Variants in SOX6 observed in about 807,000 individuals in gnomAD.
SOX6 encodes transcription factor SOX-6.
In SOX6, 11 loss-of-function variants were observed where a neutral mutation model predicts 97.8. The observed-to-expected ratio is 0.11, with a 90% CI of 0.07 to 0.19. The LOEUF is 0.19. Among genes scored for constraint, SOX6 ranks in the 10% least tolerant of loss-of-function variants. The pLI is 1.00. For missense variants in SOX6, 810 were observed against 1,039.5 expected, an observed-to-expected ratio of 0.78 and a Z score of 3.04; for synonymous variants, 360 against 371.4, an observed-to-expected ratio of 0.97 and a Z score of 0.35.
At chr11:15,989,289 T>A (rs1853970678) in intron 13 of SOX6, 59 bp from the exon 14 acceptor site, 2 of 1,421,996 alleles carry the variant, frequency 1.4e-6, no homozygotes, top group Non-Finnish European at 1.9e-6. Context: ...GTGGATAATG[T>A]CACACAGCTT....
chr11:16,589,967 T>C (rs1019659716), intron 4 of SOX6, among the ~76,000 whole-genome samples: 1 of 152,146 alleles, frequency 6.6e-6, no homozygotes, highest in Admixed American at 6.6e-5. Context: ...AGAATAACAC[T>C]TGTTCTTCCT....
intron 2 of SOX6, among the ~76,000 whole-genome samples, chr11:16,326,824 A>G (rs1210796060): frequency 1.3e-5 from 2 of 152,184 alleles, no homozygotes; most frequent in African/African-American, 2.4e-5. Flanking sequence ...AAAGTCTCCC[A>G]TGAGGTTACA....
intron 12 of SOX6, among the ~76,000 whole-genome samples, chr11:16,016,533 T>C (rs1294552941): frequency 1.3e-5 from 2 of 152,034 alleles, no homozygotes; most frequent in East Asian, 3.9e-4. Context: ...CCCTAATATC[T>C]TCCTATGTGA....
chr11:16,100,003 G>T (rs1848903306), intron 7 of SOX6, among the ~76,000 whole-genome samples: 1 of 151,714 alleles, frequency 6.6e-6, no homozygotes, highest in Non-Finnish European at 1.5e-5. Context: ...AGAGAACAAG[G>T]ACAAGGCAGG....
intron 3 of SOX6, among the ~76,000 whole-genome samples, chr11:16,299,129 T>C (rs1480102228): frequency 6.6e-6 from 1 of 152,184 alleles, no homozygotes; most frequent in Non-Finnish European, 1.5e-5. Flanking sequence ...ATAATCTTAA[T>C]ACAAATAGTA....
At chr11:16,127,967 C>G (rs1178824036) in intron 6 of SOX6, among the ~76,000 whole-genome samples, 1 of 152,158 alleles carries the variant, frequency 6.6e-6, no homozygotes, top group African/African-American at 2.4e-5. Flanking sequence ...CTTTAATAAA[C>G]AAACCTTACT....
intron 1 of SOX6, among the ~76,000 whole-genome samples, chr11:16,456,468 C>A (rs563196454): frequency 6.6e-6 from 1 of 151,974 alleles, no homozygotes; most frequent in Non-Finnish European, 1.5e-5. Context: ...CCAAGGAAAC[C>A]ACTATTGAGG....
At chr11:16,282,675 A>T (rs926077442) in intron 3 of SOX6, among the ~76,000 whole-genome samples, 1 of 151,462 alleles carries the variant, frequency 6.6e-6, no homozygotes, top group African/African-American at 2.4e-5. Flanking sequence ...ATTCATTATT[A>T]TTGAATTATA....
At chr11:16,148,982 C>G (rs1015830932) in intron 6 of SOX6, among the ~76,000 whole-genome samples, 1 of 152,136 alleles carries the variant, frequency 6.6e-6, no homozygotes. Flanking sequence ...ACTCATTTGT[C>G]TCCACGTTGT....
intron 5 of SOX6, 121 bp downstream of exon 5, chr11:16,186,657 ATCTTT>A: frequency 6.8e-6 from 8 of 1,178,488 alleles, no homozygotes; most frequent in Non-Finnish European, 8.4e-6. Context: ...TTTTTTTTCC[ATCTTT>A]TCTTATTTTT....
chr11:16,651,773 G>A (rs558016632), intron 3 of SOX6, among the ~76,000 whole-genome samples: 1 of 152,244 alleles, frequency 6.6e-6, no homozygotes, highest in African/African-American at 2.4e-5. Context: ...GTCCTAGCCA[G>A]AGCAATCAGA....
At chr11:16,318,347 C>T in intron 3 of SOX6, 99 bp downstream of exon 3, 1 of 1,281,104 alleles carries the variant, frequency 7.8e-7, no homozygotes, top group Non-Finnish European at 1.1e-6. Context: ...GACAATTATG[C>T]ACTTCTCTGA....
At chr11:16,701,978 GGAA>G (rs1232411894) in intron 3 of SOX6, among the ~76,000 whole-genome samples, 1 of 152,114 alleles carries the variant, frequency 6.6e-6, no homozygotes, top group African/African-American at 2.4e-5. Context: ...AACACATTTG[GGAA>G]GAAGAATCGG....
intron 2 of SOX6, among the ~76,000 whole-genome samples, chr11:16,319,438 T>C (rs566036417): frequency 1.3e-5 from 2 of 152,172 alleles, no homozygotes; most frequent in Non-Finnish European, 2.9e-5. Flanking sequence ...TATGTATACA[T>C]GTGGCATGTT....
intron 1 of SOX6, among the ~76,000 whole-genome samples, chr11:16,412,462 A>C (rs1254759338): frequency 6.6e-6 from 1 of 152,194 alleles, no homozygotes; most frequent in African/African-American, 2.4e-5. Context: ...AACTCAAAGT[A>C]GCTTTTTTTA....
intron 14 of SOX6, 62 bp downstream of exon 14, chr11:15,988,935 C>A: frequency 2.0e-6 from 3 of 1,498,914 alleles, no homozygotes; most frequent in South Asian, 1.1e-5. Context: ...GCTTCCCACC[C>A]TGGTGGCACT....
chr11:16,500,918 C>T (rs1860696282), intron 4 of SOX6, among the ~76,000 whole-genome samples: 1 of 152,190 alleles, frequency 6.6e-6, no homozygotes, highest in Non-Finnish European at 1.5e-5. Flanking sequence ...CTATCCCCAT[C>T]AAGCTACCAA....
At chr11:16,656,417 T>C (rs1847718794) in intron 3 of SOX6, among the ~76,000 whole-genome samples, 2 of 152,198 alleles carry the variant, frequency 1.3e-5, no homozygotes, top group South Asian at 2.1e-4. Flanking sequence ...AGAGTCTTTA[T>C]GGTCCATGAA....
chr11:16,503,155 T>C (rs1227144261), intron 4 of SOX6, among the ~76,000 whole-genome samples: 1 of 151,686 alleles, frequency 6.6e-6, no homozygotes, highest in Non-Finnish European at 1.5e-5. Flanking sequence ...CTTTTCTAGA[T>C]AAGCAAAAAC....
Sources: allele counts gnomAD v4.1 joint callset (sites outside exome capture counted in the v4.1 genomes callset), GRCh38; gene constraint gnomAD v4.1.1; transcripts MANE v1.5; gene names NCBI Gene and HGNC (gene_info 2026-07-23, HGNC 2026-07-21).